HHIP: variants seen among roughly 807,000 people sequenced by gnomAD.
The protein encoded by HHIP is hedgehog interacting protein.
In HHIP, 12 loss-of-function variants were observed where a neutral mutation model predicts 74.0. The observed-to-expected ratio is 0.16, with a 90% CI of 0.10 to 0.26. The LOEUF (loss-of-function observed/expected upper bound fraction) is 0.26, where lower values mean the gene tolerates loss of function less well. Ranked by LOEUF, HHIP falls within the 10% of genes least tolerant of loss-of-function variation. The pLI, the probability that HHIP is intolerant of heterozygous loss-of-function variation, is 1.00. For synonymous variants in HHIP, 309 were observed against 311.6 expected, an observed-to-expected ratio of 0.99 and a Z score of 0.09; for missense variants, 788 against 845.0, an observed-to-expected ratio of 0.93 and a Z score of 0.84.
chr4:144,696,106 T>A (rs1202530708), intron 4 of HHIP, among the ~76,000 whole-genome samples: 2 of 151,966 alleles, frequency 1.3e-5, no homozygotes, highest in East Asian at 3.9e-4. Flanking sequence ...ATAATAGTTA[T>A]ATCTTCAATT....
chr4:144,718,209 T>C (rs1730517966), intron 10 of HHIP, among the ~76,000 whole-genome samples: 1 of 152,110 alleles, frequency 6.6e-6, no homozygotes, highest in South Asian at 2.1e-4. Flanking sequence ...GATTTTAAAG[T>C]GCAGTCAGGA....
intron 4 of HHIP, among the ~76,000 whole-genome samples, chr4:144,684,061 TA>T (rs141349721): frequency 1.1e-4 from 15 of 141,538 alleles, no homozygotes; most frequent in Non-Finnish European, 9.2e-5. Flanking sequence ...AGACTCCGTC[TA>T]AAAAAAAAAG....
intron 11 of HHIP, among the ~76,000 whole-genome samples, chr4:144,726,938 C>T (rs1180032805): frequency 2.0e-5 from 3 of 152,216 alleles, no homozygotes; most frequent in African/African-American, 7.2e-5. Flanking sequence ...CGACCTCCAG[C>T]TACTTCTGAG....
At chr4:144,656,986 C>G (rs1728576143) in intron 2 of HHIP, among the ~76,000 whole-genome samples, 1 of 151,846 alleles carries the variant, frequency 6.6e-6, no homozygotes, top group African/African-American at 2.4e-5. Flanking sequence ...GCCTCTTTTT[C>G]TCTGTGCCCC....
chr4:144,685,073 C>T (rs996490564), intron 4 of HHIP, among the ~76,000 whole-genome samples: 1 of 152,178 alleles, frequency 6.6e-6, no homozygotes, highest in African/African-American at 2.4e-5. Context: ...TGACATTCCC[C>T]GTCCATGTGG....
At chr4:144,653,339 C>T (rs1728474291) in intron 2 of HHIP, among the ~76,000 whole-genome samples, 1 of 152,084 alleles carries the variant, frequency 6.6e-6, no homozygotes, top group Non-Finnish European at 1.5e-5. Flanking sequence ...GAGTCCTCTC[C>T]AATTGGCAGA....
At chr4:144,647,428 C>A (rs1329174285) in intron 1 of HHIP, among the ~76,000 whole-genome samples, 1 of 152,124 alleles carries the variant, frequency 6.6e-6, no homozygotes, top group Non-Finnish European at 1.5e-5. Flanking sequence ...GGTTTATGAT[C>A]CCCAGCCCCG....
intron 10 of HHIP, among the ~76,000 whole-genome samples, chr4:144,717,667 T>G (rs1352852803): frequency 6.6e-6 from 1 of 152,206 alleles, no homozygotes; most frequent in Non-Finnish European, 1.5e-5. Flanking sequence ...CCATCTGTTG[T>G]ATTTCATCAT....
At chr4:144,648,122 A>T (rs1423133202) in intron 1 of HHIP, 2 of 152,234 alleles carry the variant, frequency 1.3e-5, no homozygotes, top group African/African-American at 4.8e-5. Flanking sequence ...GTTTTGTAAC[A>T]AAAAGCCATA....
intron 4 of HHIP, among the ~76,000 whole-genome samples, chr4:144,664,261 A>T (rs541431611): frequency 6.6e-6 from 1 of 152,330 alleles, no homozygotes; most frequent in South Asian, 2.1e-4. Flanking sequence ...GACTGAGCCA[A>T]TTGAGGTGGA....
At chr4:144,734,924 G>C (rs1731068152) in intron 12 of HHIP, 35 bp downstream of exon 12, 1 of 1,569,796 alleles carries the variant, frequency 6.4e-7, no homozygotes, top group Non-Finnish European at 8.7e-7. Flanking sequence ...AAAGGACTGG[G>C]GATGAGCCAA....
chr4:144,706,560 C>T lies in HHIP; in HGVS notation c.861C>T (p.Leu287=), dbSNP rs561630296. The change falls in exon 5 of 13, where the codon CTC becomes CTT. Residue 287 remains leucine, a synonymous_variant. Transcript: ENST00000296575. ...GAGATGAAAGAGGACTGCTAAGCCTCGCATTCCATCCCAATTACAAGAAAA... is the reference window on the plus strand; with the variant it reads ...GAGATGAAAGAGGACTGCTAAGCCTTGCATTCCATCCCAATTACAAGAAAA... ...KGGDERGLLS[L]AFHPNYKKNG... is the part of the protein sequence containing the mutation. 8.1e-6 allele frequency: 13 copies of T among 1,612,244 alleles called. No homozygotes were observed. The highest frequency in any genetic ancestry group is 5.3e-5 in the African/African-American group (4 of 74,970).
chr4:144,690,158 G>A (rs920384711), intron 4 of HHIP, among the ~76,000 whole-genome samples: 1 of 152,164 alleles, frequency 6.6e-6, no homozygotes, highest in Non-Finnish European at 1.5e-5. Context: ...TGTAAAGATA[G>A]ATGAAATTCA....
chr4:144,665,060 T>G (rs1728823916), intron 4 of HHIP, among the ~76,000 whole-genome samples: 1 of 152,202 alleles, frequency 6.6e-6, no homozygotes, highest in Non-Finnish European at 1.5e-5. Context: ...AAAGATGTTT[T>G]TATTTTTTTG....
chr4:144,667,762 TC>T (rs1253026356), intron 4 of HHIP, among the ~76,000 whole-genome samples: 1 of 152,150 alleles, frequency 6.6e-6, no homozygotes, highest in Non-Finnish European at 1.5e-5. Context: ...GTAATGTCGG[TC>T]TTTTTTGTGT....
At chr4:144,683,373 A>G (rs1285791242) in intron 4 of HHIP, among the ~76,000 whole-genome samples, 1 of 152,206 alleles carries the variant, frequency 6.6e-6, no homozygotes, top group Non-Finnish European at 1.5e-5. Context: ...TATAAAATTG[A>G]GCTATAGTTT....
intron 4 of HHIP, among the ~76,000 whole-genome samples, chr4:144,665,433 T>A (rs1483797623): frequency 6.6e-6 from 1 of 152,246 alleles, no homozygotes; most frequent in Non-Finnish European, 1.5e-5. Context: ...ATCCAACTAT[T>A]TTTATTTTAT....
chr4:144,697,050 A>T (rs893848315), intron 4 of HHIP, among the ~76,000 whole-genome samples: 11 of 151,890 alleles, frequency 7.2e-5, no homozygotes, highest in Admixed American at 2.6e-4. Context: ...AATTTTTTTT[A>T]AATTTTTTGT....
At chr4:144,664,150 C>T (rs1728791639) in intron 4 of HHIP, among the ~76,000 whole-genome samples, 1 of 152,222 alleles carries the variant, frequency 6.6e-6, no homozygotes, top group Non-Finnish European at 1.5e-5. Flanking sequence ...TCCTGTCCCT[C>T]TCTATCTACT....
Sources: allele counts gnomAD v4.1 joint callset (sites outside exome capture counted in the v4.1 genomes callset), GRCh38; gene constraint gnomAD v4.1.1; transcripts MANE v1.5; gene names NCBI Gene and HGNC (gene_info 2026-07-23, HGNC 2026-07-21).